Variants in FGF14 observed in about 807,000 individuals in gnomAD.
FGF14 encodes the protein fibroblast growth factor 14.
FGF14 carries 5 observed loss-of-function variants against 25.5 expected under a neutral mutation model. That is an observed-to-expected ratio of 0.20 (90% CI 0.10 to 0.41). The LOEUF (loss-of-function observed/expected upper bound fraction) is 0.41. FGF14 is among the 10% of genes least tolerant of loss of function. The pLI, the probability that FGF14 is intolerant of heterozygous loss-of-function variation, is 1.00. For synonymous variants in FGF14, 138 were observed against 118.3 expected, an observed-to-expected ratio of 1.17 and a Z score of -1.08; for missense variants, 222 against 320.1, an observed-to-expected ratio of 0.69 and a Z score of 2.34.
At chr13:101,736,614 A>T (rs2036206214) in intron 3 of FGF14, among the ~76,000 whole-genome samples, 1 of 152,160 alleles carries the variant, frequency 6.6e-6, no homozygotes, top group African/African-American at 2.4e-5. Context: ...TCTATTATAC[A>T]TGGGTTTGGA....
intron 1 of FGF14, among the ~76,000 whole-genome samples, chr13:102,280,969 G>T (rs1428502750): frequency 2.0e-5 from 3 of 152,292 alleles, no homozygotes; most frequent in Non-Finnish European, 4.4e-5. Context: ...ATCTCTAGAG[G>T]AGGAGTATAA....
chr13:101,799,283 T>G (rs574883160), intron 3 of FGF14, among the ~76,000 whole-genome samples: 2 of 152,224 alleles, frequency 1.3e-5, no homozygotes, highest in South Asian at 4.1e-4. Flanking sequence ...AACCTGAAGT[T>G]TCATAGGATA....
chr13:102,223,619 T>C (rs2050710574), intron 1 of FGF14, among the ~76,000 whole-genome samples: 2 of 152,196 alleles, frequency 1.3e-5, no homozygotes, highest in Admixed American at 1.3e-4. Flanking sequence ...AGAAGGACTT[T>C]ACTCCACTTT....
chr13:102,191,347 T>A (rs182380920), intron 1 of FGF14, among the ~76,000 whole-genome samples: 119 of 152,300 alleles, frequency 7.8e-4, no homozygotes, highest in Admixed American at 7.8e-3. Flanking sequence ...TTGAACAACA[T>A]AAATTTATTT....
chr13:101,815,917 A>T (rs1351155373), intron 3 of FGF14, among the ~76,000 whole-genome samples: 1 of 152,150 alleles, frequency 6.6e-6, no homozygotes, highest in Non-Finnish European at 1.5e-5. Flanking sequence ...GGGGAATTTC[A>T]TCTGAATTAA....
rs752403203 is a variant in FGF14 at position 101,722,980 on chromosome 13, A to G, written c.608-13T>C. 11 of 1,613,098 alleles carry G rather than the reference A, an allele frequency of 6.8e-6. No homozygotes were observed. The South Asian group carries it at 1.1e-4, about 16-fold the overall frequency. The stretch of plus-strand genomic sequence containing the variant: ...CGGTACATGGCAACTAGTGATGGGA[A>G]GAAAGGAGGAGGAAAAGCAAACATT... On this transcript the variant is annotated splice_polypyrimidine_tract_variant and intron_variant, in intron 4 of 4. Coordinates refer to ENST00000376143, the MANE Select transcript of FGF14 (RefSeq NM_004115.4).
chr13:101,804,932 C>A (rs1286617137), intron 3 of FGF14, among the ~76,000 whole-genome samples: 2 of 152,078 alleles, frequency 1.3e-5, no homozygotes, highest in African/African-American at 2.4e-5. Flanking sequence ...ATGATTCTAC[C>A]TAAGATGCAA....
intron 1 of FGF14, among the ~76,000 whole-genome samples, chr13:101,890,139 T>A (rs1279728971): frequency 6.6e-6 from 1 of 152,130 alleles, no homozygotes; most frequent in East Asian, 1.9e-4. Flanking sequence ...GACTAAAAAG[T>A]GTAATAGTTC....
chr13:102,251,700 C>T (rs945882853), intron 1 of FGF14, among the ~76,000 whole-genome samples: 2 of 152,074 alleles, frequency 1.3e-5, no homozygotes, highest in African/African-American at 4.8e-5. Context: ...CACGTTGGGG[C>T]AATTGGAACC....
chr13:101,870,406 C>T lies in FGF14; in HGVS notation c.305-1578G>A, dbSNP rs558142079. ...AAAACCATAATCATATGACTGTCCA[C>T]GCAAGGTACACTAACTTAATCAATT... On this transcript the variant is annotated intron_variant, in intron 2 of 4. Transcript: ENST00000376143. Among the ~76,000 whole-genome samples the T allele has an allele frequency of 5.3e-5, 8 of 152,152 alleles. No homozygotes were observed. In the South Asian group the frequency reaches 8.3e-4, roughly 16 times the overall value.
chr13:102,228,943 C>T (rs1290561948), intron 1 of FGF14, among the ~76,000 whole-genome samples: 1 of 152,190 alleles, frequency 6.6e-6, no homozygotes, highest in African/African-American at 2.4e-5. Flanking sequence ...GTTCTCAAGA[C>T]TACTGAATGT....
chr13:101,823,657 G>A (rs1381751642), intron 3 of FGF14, among the ~76,000 whole-genome samples: 8 of 150,280 alleles, frequency 5.3e-5, no homozygotes, highest in South Asian at 2.1e-4. Context: ...GGCTGGTCTC[G>A]AACTCCCGAC....
rs550541380 is a variant in FGF14, at chr13:101,846,216, A to G, written c.408+22509T>C. On this transcript the variant is annotated intron_variant, in intron 3 of 4. Coordinates refer to ENST00000376143, the MANE Select transcript of FGF14 (RefSeq NM_004115.4). ...ATCTTTTAAAAAAGGAAAAGAAAAC[A>G]TGTTTTGACCACAAAGCTCCAGGTG... is the stretch of plus-strand genomic sequence containing the variant. Among the ~76,000 whole-genome samples the G allele has an allele frequency of 2.4e-4, 37 of 152,032 alleles. No homozygotes were observed. The South Asian group carries it at 5.2e-3, about 21-fold the overall frequency.
intron 1 of FGF14, among the ~76,000 whole-genome samples, chr13:102,203,610 A>T (rs919190832): frequency 6.6e-6 from 1 of 152,232 alleles, no homozygotes; most frequent in African/African-American, 2.4e-5. Context: ...TATTATTTTT[A>T]AAATCTAGAA....
At chr13:101,890,216 A>G (rs1051773206) in intron 1 of FGF14, among the ~76,000 whole-genome samples, 3 of 152,178 alleles carry the variant, frequency 2.0e-5, no homozygotes, top group Admixed American at 6.5e-5. Context: ...GCTTTTCTGC[A>G]TATTTCAGAG....
chr13:101,884,062 C>CAAAAAAAAAAAAAAAAAGAAAA (rs2045862439), intron 1 of FGF14, among the ~76,000 whole-genome samples: 1 of 37,840 alleles, frequency 2.6e-5, no homozygotes, highest in Non-Finnish European at 4.6e-5. Context: ...GACTCCATCT[C>CAAAAAAAAAAAAAAAAAGAAAA]AAAAAAAAAA....
chr13:102,256,279 G>A (rs955449662), intron 1 of FGF14, among the ~76,000 whole-genome samples: 1 of 151,914 alleles, frequency 6.6e-6, no homozygotes, highest in African/African-American at 2.4e-5. Flanking sequence ...AAGACCGAGA[G>A]CTTAGCGGTT....
intron 1 of FGF14, among the ~76,000 whole-genome samples, chr13:102,326,692 A>AT (rs2056444832): frequency 2.5e-5 from 1 of 39,360 alleles, no homozygotes; most frequent in Non-Finnish European, 4.4e-5. Context: ...AGGGAAGGGA[A>AT]GGGAAGGAAG....
chr13:101,943,741 A>G (rs1043612599), intron 1 of FGF14, among the ~76,000 whole-genome samples: 2 of 151,532 alleles, frequency 1.3e-5, no homozygotes, highest in African/African-American at 4.9e-5. Context: ...TGGGAGGCCG[A>G]GACAGGCGGA....
Sources: gnomAD v4.1 joint callset for allele counts (sites outside exome capture counted in the v4.1 genomes callset) on GRCh38, gnomAD v4.1.1 for gene constraint, MANE v1.5 for transcripts, NCBI Gene and HGNC (gene_info 2026-07-23, HGNC 2026-07-21) for gene names.